The following TXNRD1 variants were observed in gnomAD, a reference collection of about 807,000 sequenced individuals.
The protein encoded by TXNRD1 is thioredoxin reductase 1.
Under a neutral mutation model 80.3 loss-of-function variants are expected in TXNRD1, and 57 were observed. That is an observed-to-expected ratio of 0.71 (90% CI 0.57 to 0.89). TXNRD1 has a LOEUF of 0.89. Among genes scored for constraint, TXNRD1 ranks in the 40% least tolerant of loss-of-function variants. TXNRD1 has a pLI of 0.00. For missense variants in TXNRD1, 730 were observed against 803.0 expected (o/e 0.91, Z 1.10); for synonymous variants, 291 against 285.2 (o/e 1.02, Z -0.20).
intron 5 of TXNRD1, among the ~76,000 whole-genome samples, chr12:104,313,033 A>G (rs1044622553): frequency 6.6e-6 from 1 of 152,170 alleles, no homozygotes; most frequent in Non-Finnish European, 1.5e-5. Flanking sequence ...TATTCTGCAT[A>G]ATTTTAAAAT....
chr12:104,321,973 TA>T (rs1309328135), intron 10 of TXNRD1, among the ~76,000 whole-genome samples: 1 of 152,004 alleles, frequency 6.6e-6, no homozygotes, highest in African/African-American at 2.4e-5. Flanking sequence ...ACTATTTTGT[TA>T]AAGTTAAGGA....
At chr12:104,234,299 C>G (rs555249249) in intron 1 of TXNRD1, among the ~76,000 whole-genome samples, 185 of 151,990 alleles carry the variant, frequency 1.2e-3, no homozygotes, top group Non-Finnish European at 2.2e-3. Context: ...TTAAGCACAT[C>G]TTTTTCTTTT....
At chr12:104,317,894 C>G (rs898969749) in intron 7 of TXNRD1, among the ~76,000 whole-genome samples, 6 of 152,198 alleles carry the variant, frequency 3.9e-5, no homozygotes, top group Admixed American at 3.9e-4. Flanking sequence ...AATCCCAGCA[C>G]TTTGGGAGGC....
intron 4 of TXNRD1, among the ~76,000 whole-genome samples, chr12:104,290,722 T>TAC (rs2034161526): frequency 2.4e-5 from 1 of 40,992 alleles, no homozygotes; most frequent in Non-Finnish European, 4.9e-5. Flanking sequence ...GAAATATACA[T>TAC]ATATATATAT....
intron 1 of TXNRD1, among the ~76,000 whole-genome samples, chr12:104,249,781 A>C (rs2033074424): frequency 6.6e-6 from 1 of 151,796 alleles, no homozygotes. Flanking sequence ...TAAAAATACA[A>C]AAAATTAGCC....
At chr12:104,338,307 T>C (rs769001464) in intron 15 of TXNRD1, among the ~76,000 whole-genome samples, 3 of 151,940 alleles carry the variant, frequency 2.0e-5, no homozygotes, top group Non-Finnish European at 4.4e-5. Context: ...CCCTTGTCTC[T>C]TTGTTCCTGT....
chr12:104,335,142 A>C (rs1426920793), intron 15 of TXNRD1, among the ~76,000 whole-genome samples: 1 of 151,660 alleles, frequency 6.6e-6, no homozygotes, highest in Non-Finnish European at 1.5e-5. Flanking sequence ...CTTTATTCAT[A>C]CCATAAACCC....
intron 4 of TXNRD1, among the ~76,000 whole-genome samples, chr12:104,306,546 A>G (rs2034923487): frequency 6.6e-6 from 1 of 152,210 alleles, no homozygotes; most frequent in South Asian, 2.1e-4. Flanking sequence ...GTGGTACAGG[A>G]AAGGGAAATC....
intron 15 of TXNRD1, 63 bp from the exon 16 acceptor site, chr12:104,339,076 G>T: frequency 6.3e-7 from 1 of 1,595,932 alleles, no homozygotes; most frequent in Non-Finnish European, 8.6e-7. Flanking sequence ...GCTCTAAGCT[G>T]TGTAGGAAGA....
At chr12:104,247,118 A>T (rs1048812410) in intron 1 of TXNRD1, among the ~76,000 whole-genome samples, 2 of 151,950 alleles carry the variant, frequency 1.3e-5, no homozygotes, top group African/African-American at 4.8e-5. Flanking sequence ...CCCAGGCTGC[A>T]GTGCAATGGC....
intron 1 of TXNRD1, 48 bp downstream of exon 1, chr12:104,215,941 G>A (rs1170506907): frequency 2.7e-6 from 4 of 1,491,174 alleles, no homozygotes; most frequent in Admixed American, 2.0e-5. Flanking sequence ...GGGCCGAAGC[G>A]GGCCTTCCGG....
intron 4 of TXNRD1, chr12:104,310,212 C>T (rs530745545): frequency 1.1e-5 from 13 of 1,154,758 alleles, no homozygotes; most frequent in South Asian, 3.4e-5. Flanking sequence ...TGCAGTGGCG[C>T]AATCTTGGCT....
At chr12:104,269,616 G>A (rs528620382) in intron 3 of TXNRD1, among the ~76,000 whole-genome samples, 8 of 151,878 alleles carry the variant, frequency 5.3e-5, no homozygotes, top group African/African-American at 1.9e-4. Flanking sequence ...TCCCCAGGCT[G>A]GAGTGCAGTG....
chr12:104,291,608 C>G (rs539998438), intron 4 of TXNRD1, among the ~76,000 whole-genome samples: 6 of 151,694 alleles, frequency 4.0e-5, no homozygotes, highest in Non-Finnish European at 7.4e-5. Flanking sequence ...CTCAGCCTCC[C>G]GAGTAGCTGG....
In TXNRD1 at chr12:104,267,644, G is replaced by A. The variant is rs1193930913; in HGVS notation, c.304+9565G>A. Among the ~76,000 whole-genome samples the A allele has an allele frequency of 4.9e-5, 5 of 101,898 alleles. No individual in the cohort carries two copies. In the Admixed American group the frequency reaches 5.0e-4, roughly 10 times the overall value. The allele number at this position is 101,898 out of a possible 152,430, so 66.8% of individuals were successfully genotyped here. A position where few individuals can be genotyped will look rare whatever the true frequency, so the allele number is the denominator to read the frequency against. ...CATGATAGGTGTTCCTAGATGTGAT[G>A]GTATCTTTCTTTCTTTCTTTCTTTC... On this transcript the variant is annotated intron_variant, in intron 3 of 16. Transcript: ENST00000525566.
chr12:104,259,993 C>G (rs1370813093), intron 3 of TXNRD1, among the ~76,000 whole-genome samples: 1 of 152,186 alleles, frequency 6.6e-6, no homozygotes, highest in African/African-American at 2.4e-5. Context: ...GAGATATTCT[C>G]TATATTTTAT....
At chr12:104,337,196 C>T (rs1415374901) in intron 15 of TXNRD1, among the ~76,000 whole-genome samples, 1 of 151,852 alleles carries the variant, frequency 6.6e-6, no homozygotes, top group East Asian at 1.9e-4. Flanking sequence ...AGTAGTTCCT[C>T]CTATGGATAC....
At chr12:104,233,287 ATTAT>A (rs2032663884) in intron 1 of TXNRD1, among the ~76,000 whole-genome samples, 2 of 138,524 alleles carry the variant, frequency 1.4e-5, no homozygotes. Flanking sequence ...TCTAACATTT[ATTAT>A]TTATTCTTTA....
At chr12:104,333,931 A>G (rs930221867) in intron 14 of TXNRD1, among the ~76,000 whole-genome samples, 6 of 152,200 alleles carry the variant, frequency 3.9e-5, no homozygotes, top group South Asian at 2.1e-4. Context: ...TGTGTTTTCA[A>G]TGTATGACAG....
Sources: allele counts gnomAD v4.1 joint callset (sites outside exome capture counted in the v4.1 genomes callset), GRCh38; gene constraint gnomAD v4.1.1; transcripts MANE v1.5; gene names NCBI Gene and HGNC (gene_info 2026-07-23, HGNC 2026-07-21).